Variants in ALDH1A1 observed in about 807,000 individuals in gnomAD.
The protein encoded by ALDH1A1 is aldehyde dehydrogenase 1 family member A1, also known as aldehyde dehydrogenase 1A1.
Under a neutral mutation model 62.1 loss-of-function variants are expected in ALDH1A1, and 19 were observed. That is an observed-to-expected ratio of 0.31 (90% CI 0.21 to 0.45). The LOEUF is 0.45. Ranked by LOEUF, ALDH1A1 falls within the 20% of genes least tolerant of loss-of-function variation. The pLI is 1.00. For synonymous variants in ALDH1A1, 231 were observed against 215.9 expected (o/e 1.07, Z -0.61); for missense variants, 521 against 607.1 (o/e 0.86, Z 1.49).
intron 8 of ALDH1A1, among the ~76,000 whole-genome samples, chr9:72,918,381 T>C (rs1830089838): frequency 6.6e-6 from 1 of 152,206 alleles, no homozygotes; most frequent in South Asian, 2.1e-4. Flanking sequence ...TTCTGGAGTA[T>C]CTCATTAGCT....
rs536796215 is a variant in ALDH1A1 at position 72,900,938 on chromosome 9, AT to A, written c.*269del. 3 of 265,294 alleles carry A rather than the reference AT, an allele frequency of 1.1e-5. No homozygotes were observed. Among genetic ancestry groups the A allele is most frequent in the Admixed American group, 4.8e-5 (1 of 20,652 alleles). 16.4% of individuals were successfully genotyped at this position (265,294 alleles called of 1,614,324 possible). On this transcript the variant is annotated 3_prime_UTR_variant, in exon 13 of 13. Coordinates refer to ENST00000297785, the MANE Select transcript of ALDH1A1 (RefSeq NM_000689.5). ...AAAAGTAGCTACAAAGGAAAATCAC[AT>A]AACTATGACAAAGCTAGAGAGATCA...
chr9:72,925,703 T>C (rs1428171817), intron 5 of ALDH1A1, 91 bp from the exon 6 acceptor site: 37 of 1,387,176 alleles, frequency 2.7e-5, no homozygotes, highest in South Asian at 4.2e-5. Flanking sequence ...CTGTAGATGT[T>C]ATGTAATAAT....
intron 2 of ALDH1A1, among the ~76,000 whole-genome samples, chr9:72,939,581 G>A (rs1022013134): frequency 2.8e-5 from 4 of 144,124 alleles, no homozygotes; most frequent in African/African-American, 1.0e-4. Context: ...GCAGTGGTAT[G>A]ATCTCGGCTC....
At chr9:72,939,649 C>G (rs1156418424) in intron 2 of ALDH1A1, among the ~76,000 whole-genome samples, 1 of 151,648 alleles carries the variant, frequency 6.6e-6, no homozygotes, top group Non-Finnish European at 1.5e-5. Context: ...TCCTGAGTAG[C>G]TGGGATTAGA....
At chr9:72,938,037 C>G (rs1330286) in intron 2 of ALDH1A1, among the ~76,000 whole-genome samples, 90,194 of 151,882 alleles carry the variant, frequency 0.59, 27,570 homozygotes, top group Non-Finnish European at 0.67. Flanking sequence ...CCCCTCAGGT[C>G]TGTCACTATC....
intron 6 of ALDH1A1, among the ~76,000 whole-genome samples, chr9:72,924,961 G>T (rs1346770047): frequency 6.6e-6 from 1 of 152,148 alleles, no homozygotes; most frequent in Non-Finnish European, 1.5e-5. Flanking sequence ...TGAACAGGAA[G>T]ATAAATGCAG....
chr9:72,935,188 T>C (rs1290591169), intron 2 of ALDH1A1, among the ~76,000 whole-genome samples: 1 of 152,230 alleles, frequency 6.6e-6, no homozygotes, highest in Non-Finnish European at 1.5e-5. Flanking sequence ...TAACAGTTAT[T>C]GTTTTCTTAA....
chr9:72,901,331 A>T, intron 12 of ALDH1A1, 51 bp from the exon 13 acceptor site: 1 of 1,246,530 alleles, frequency 8.0e-7, no homozygotes, highest in Non-Finnish European at 1.2e-6. Flanking sequence ...CAGCAGTATA[A>T]ATATACTGTA....
chr9:72,942,463 A>G (rs1370994859), intron 1 of ALDH1A1: 1 of 801,124 alleles, frequency 1.2e-6, no homozygotes, highest in African/African-American at 1.9e-5. Context: ...TTTGTTCTAT[A>G]CAAGTATAAA....
At chr9:72,950,284 T>A (rs1322377054) in intron 1 of ALDH1A1, among the ~76,000 whole-genome samples, 3 of 151,818 alleles carry the variant, frequency 2.0e-5, no homozygotes, top group Non-Finnish European at 4.4e-5. Context: ...AGAGAAGTAA[T>A]GTAGCTTGCC....
intron 12 of ALDH1A1, 73 bp downstream of exon 12, chr9:72,905,885 T>A (rs1829872069): frequency 7.9e-7 from 1 of 1,260,434 alleles, no homozygotes; most frequent in Admixed American, 2.2e-5. Context: ...GTGAAAACTA[T>A]GAGTTAATTC....
Position 72,940,265 on chromosome 9 carries a change from A to G in ALDH1A1, c.67-13T>C. On this transcript the variant is annotated splice_polypyrimidine_tract_variant and intron_variant, in intron 1 of 12. Coordinates refer to ENST00000297785, the MANE Select transcript of ALDH1A1 (RefSeq NM_000689.5). The stretch of plus-strand genomic sequence containing the variant: ...TGTTTATGAAGATCTGTAGAGATGA[A>G]GAGAAAATACATACAAGGCGCTTAA... The G allele has an allele frequency of 6.3e-7, 1 of 1,596,582 alleles. No individual in the cohort carries two copies. Among genetic ancestry groups the G allele is most frequent in the East Asian group, 2.2e-5 (1 of 44,788 alleles).
rs756336697 is a variant in ALDH1A1 at position 72,927,107 on chromosome 9, A to G, written c.504+9T>C. 4.4e-6 allele frequency: 7 copies of G among 1,592,156 alleles called. No individual in the cohort carries two copies. Among genetic ancestry groups the G allele is most frequent in the Non-Finnish European group, 5.1e-6 (6 of 1,167,772 alleles). ...TTAAAATTGAGAATTATATAGGAGA[A>G]AAGCTTACAGGAATGATTTGGCCAC... On this transcript the variant is annotated intron_variant, in intron 5 of 12. Coordinates refer to ENST00000297785, the MANE Select transcript of ALDH1A1 (RefSeq NM_000689.5).
intron 2 of ALDH1A1, 73 bp from the exon 3 acceptor site, chr9:72,931,092 T>A: frequency 6.4e-7 from 1 of 1,555,790 alleles, no homozygotes; most frequent in Non-Finnish European, 8.8e-7. Context: ...AATAACCCTG[T>A]AAAATAGACT....
At chr9:72,905,262 T>C (rs1197314475) in intron 12 of ALDH1A1, among the ~76,000 whole-genome samples, 1 of 152,118 alleles carries the variant, frequency 6.6e-6, no homozygotes, top group East Asian at 1.9e-4. Flanking sequence ...ACTAAGCATA[T>C]TGCCACTACT....
At chr9:72,949,392 A>G (rs1192674854) in intron 1 of ALDH1A1, among the ~76,000 whole-genome samples, 1 of 151,840 alleles carries the variant, frequency 6.6e-6, no homozygotes, top group Non-Finnish European at 1.5e-5. Context: ...GTCCCAGAGT[A>G]GTGGAATTGA....
chr9:72,928,101 A>G (rs1339268302), intron 4 of ALDH1A1, among the ~76,000 whole-genome samples: 2 of 87,396 alleles, frequency 2.3e-5, no homozygotes, highest in East Asian at 6.9e-4. Context: ...CTCTCCTCTC[A>G]ACTTTCTGCT....
chr9:72,904,421 T>G (rs1225935092), intron 12 of ALDH1A1, among the ~76,000 whole-genome samples: 1 of 152,098 alleles, frequency 6.6e-6, no homozygotes, highest in East Asian at 1.9e-4. Flanking sequence ...ATCAACAAAA[T>G]TCACTAGCCC....
intron 9 of ALDH1A1, among the ~76,000 whole-genome samples, chr9:72,915,072 C>G (rs1830043960): frequency 6.6e-6 from 1 of 152,062 alleles, no homozygotes; most frequent in African/African-American, 2.4e-5. Flanking sequence ...CCTACTTATC[C>G]TACTGACTCA....
Sources: gnomAD v4.1 joint callset for allele counts (sites outside exome capture counted in the v4.1 genomes callset) on GRCh38, gnomAD v4.1.1 for gene constraint, MANE v1.5 for transcripts, NCBI Gene and HGNC (gene_info 2026-07-23, HGNC 2026-07-21) for gene names.